ABHD3: variants seen among roughly 807,000 people sequenced by gnomAD.
ABHD3 encodes the protein phospholipase ABHD3.
ABHD3 carries 46 observed loss-of-function variants against 48.8 expected under a neutral mutation model. That is an observed-to-expected ratio of 0.94 (90% confidence interval 0.74 to 1.20). ABHD3 has a LOEUF of 1.20. Among genes scored for constraint, ABHD3 ranks in the 50% most tolerant of loss-of-function variants. The pLI, the probability that ABHD3 is intolerant of heterozygous loss-of-function variation, is 0.00. For synonymous variants in ABHD3, 192 were observed against 183.7 expected, an observed-to-expected ratio of 1.04 and a Z score of -0.36; for missense variants, 490 against 497.8, an observed-to-expected ratio of 0.98 and a Z score of 0.15.
chr18:21,690,710 T>C (rs1038467841), intron 3 of ABHD3, among the ~76,000 whole-genome samples: 1 of 151,478 alleles, frequency 6.6e-6, no homozygotes, highest in African/African-American at 2.4e-5. Flanking sequence ...AAAAGCAAGA[T>C]CTGGTTGGGC....
chr18:21,673,449 C>T (rs1216930968), intron 4 of ABHD3, among the ~76,000 whole-genome samples: 1 of 152,030 alleles, frequency 6.6e-6, no homozygotes, highest in African/African-American at 2.4e-5. Context: ...TGCACCACCA[C>T]ACGCTTGGCT....
intron 5 of ABHD3, among the ~76,000 whole-genome samples, chr18:21,661,377 C>T (rs1412784854): frequency 6.6e-6 from 1 of 152,054 alleles, no homozygotes; most frequent in African/African-American, 2.4e-5. Flanking sequence ...GTGGCTCATG[C>T]CTGTAATCCC....
At chr18:21,657,729 A>G (rs944490031) in intron 6 of ABHD3, among the ~76,000 whole-genome samples, 1 of 152,140 alleles carries the variant, frequency 6.6e-6, no homozygotes, top group African/African-American at 2.4e-5. Flanking sequence ...AATCAACAGT[A>G]CTTTTAAAGT....
chr18:21,671,181 C>T (rs888312151), intron 4 of ABHD3, among the ~76,000 whole-genome samples: 3 of 152,094 alleles, frequency 2.0e-5, no homozygotes, highest in Non-Finnish European at 4.4e-5. Flanking sequence ...AAACCCTTGT[C>T]AAACTGAACT....
rs1451154649 is a variant in ABHD3 at position 21,651,411 on chromosome 18, T to C, written c.*180A>G. ...ACGTAAGTAACAATCTAATACTATA[T>C]TTAATTTGTTGCTACAAAGTTGTTT... On this transcript the variant is annotated 3_prime_UTR_variant, in exon 9 of 9. Transcript: ENST00000289119. 1 of 571,106 alleles carries C rather than the reference T, an allele frequency of 1.8e-6. No individual in the cohort carries two copies. The highest frequency in any genetic ancestry group is 2.7e-5 in the South Asian group (1 of 36,460). 35.4% of individuals were successfully genotyped at this position (571,106 alleles called of 1,614,324 possible).
At chr18:21,661,102 T>TAAA (rs35710540) in intron 5 of ABHD3, among the ~76,000 whole-genome samples, 8,318 of 56,848 alleles carry the variant, frequency 0.15, 540 homozygotes, top group Middle Eastern at 0.2. Context: ...AACTACAAGC[T>TAAA]AAAAAAAAAA....
chr18:21,653,141 A>G (rs1328214238), intron 8 of ABHD3, among the ~76,000 whole-genome samples: 1 of 129,090 alleles, frequency 7.7e-6, no homozygotes, highest in East Asian at 2.8e-4. Flanking sequence ...AGGCAGGTGG[A>G]TCATGATGTC....
At chr18:21,665,684 G>A (rs1021209992) in intron 4 of ABHD3, among the ~76,000 whole-genome samples, 10 of 151,730 alleles carry the variant, frequency 6.6e-5, no homozygotes, top group African/African-American at 2.4e-4. Flanking sequence ...GTGGTGGTGG[G>A]CGCTGTAGTC....
chr18:21,702,550 C>G (rs2040536486), intron 2 of ABHD3, 52 bp from the exon 3 acceptor site: 2 of 1,129,750 alleles, frequency 1.8e-6, no homozygotes, highest in Non-Finnish European at 2.3e-6. Flanking sequence ...TAAGTCATGT[C>G]TTAATTTTAA....
chr18:21,660,454 T>C (rs766155010), intron 5 of ABHD3, among the ~76,000 whole-genome samples: 4 of 152,190 alleles, frequency 2.6e-5, no homozygotes, highest in African/African-American at 7.2e-5. Context: ...GTTCTTTTTG[T>C]TCTACTAATT....
At chr18:21,697,074 CTT>C (rs781661076) in intron 3 of ABHD3, among the ~76,000 whole-genome samples, 28 of 135,638 alleles carry the variant, frequency 2.1e-4, no homozygotes, top group South Asian at 2.3e-4. Context: ...ATTCTATTAA[CTT>C]TTTTTTTTTT....
intron 4 of ABHD3, among the ~76,000 whole-genome samples, chr18:21,667,045 T>C (rs576977621): frequency 1.6e-4 from 24 of 152,178 alleles, no homozygotes; most frequent in African/African-American, 5.8e-4. Context: ...CACCCACTGT[T>C]CAATCACTAA....
chr18:21,655,000 C>A (rs1042341188), intron 8 of ABHD3: 3 of 152,140 alleles, frequency 2.0e-5, no homozygotes, highest in African/African-American at 7.2e-5. Flanking sequence ...AAAACAATCA[C>A]CATGTAAGTC....
rs2039567632 is a variant in ABHD3 at position 21,664,148 on chromosome 18, G to A, written c.638C>T (p.Pro213Leu). The change falls in exon 5 of 9, where the codon CCT (proline) becomes CTT (leucine). Residue 213 changes from proline to leucine, a missense_variant. By Grantham distance (98) the Pro-to-Leu change is moderately conservative (BLOSUM62 -3). Coordinates refer to ENST00000289119, the MANE Select transcript of ABHD3 (RefSeq NM_138340.5). ...HHVHSLYPSA[P>L]FLAAGVSMGG... ...CATTGAAACCCCTGCTGCCAGGAAA[G>A]GAGCAGAAGGGTACAGGCTGTGTAC... 1.9e-6 allele frequency: 3 copies of A among 1,612,778 alleles called. No individual in the cohort carries two copies. The highest frequency in any genetic ancestry group is 2.5e-6 in the Non-Finnish European group (3 of 1,179,740).
chr18:21,676,257 G>C (rs957017799), intron 4 of ABHD3, among the ~76,000 whole-genome samples: 1 of 152,032 alleles, frequency 6.6e-6, no homozygotes, highest in Admixed American at 6.6e-5. Context: ...ACCAAACTTA[G>C]GTAAATCATT....
At chr18:21,660,032 C>A (rs2039452755) in intron 5 of ABHD3, among the ~76,000 whole-genome samples, 1 of 144,888 alleles carries the variant, frequency 6.9e-6, no homozygotes, top group South Asian at 2.2e-4. Flanking sequence ...CACAATCACA[C>A]CTTAGGGCAG....
At chr18:21,680,545 G>T (rs2039981197) in intron 4 of ABHD3, among the ~76,000 whole-genome samples, 1 of 152,134 alleles carries the variant, frequency 6.6e-6, no homozygotes, top group South Asian at 2.1e-4. Flanking sequence ...ACAGCTTAGT[G>T]TGTTATTAGC....
At position 21,677,786 on chromosome 18, in the gene ABHD3, C is replaced by T. The variant is rs886979327; in HGVS notation, c.555+6134G>A. On this transcript the variant is annotated intron_variant, in intron 4 of 8. Transcript: ENST00000289119. ...GCAACCTCCACCTCCCGGGTTCAAG[C>T]GATTCCCCTGCCTCAGCCTCCTGAG... Among the ~76,000 whole-genome samples, 17 of 152,020 alleles carry T rather than the reference C, an allele frequency of 1.1e-4. No homozygotes were observed. In the East Asian group the frequency reaches 2.9e-3, roughly 26 times the overall value.
chr18:21,690,101 T>A, intron 3 of ABHD3, among the ~76,000 whole-genome samples: 2 of 128,494 alleles, frequency 1.6e-5, no homozygotes. Flanking sequence ...GGTGGTGGGG[T>A]GGGGGAGCTT....
Sources: gnomAD v4.1 joint callset for allele counts (sites outside exome capture counted in the v4.1 genomes callset) on GRCh38, gnomAD v4.1.1 for gene constraint, MANE v1.5 for transcripts, NCBI Gene and HGNC (gene_info 2026-07-23, HGNC 2026-07-21) for gene names.